The following CCDC91 variants were observed in gnomAD, a reference collection of about 807,000 sequenced individuals.
CCDC91 encodes coiled-coil domain containing 91.
CCDC91 carries 48 observed loss-of-function variants against 63.2 expected under a neutral mutation model. That is an observed-to-expected ratio of 0.76 (90% CI 0.60 to 0.97). The LOEUF (loss-of-function observed/expected upper bound fraction) is 0.97. Ranked by LOEUF, CCDC91 falls within the 50% of genes least tolerant of loss-of-function variation. The probability of loss-of-function intolerance (pLI) is 0.00; values close to 1 mark genes in which losing one functional copy is unlikely to be tolerated. For missense variants in CCDC91, 500 were observed against 494.6 expected (o/e 1.01, Z -0.10); for synonymous variants, 167 against 165.8 (o/e 1.01, Z -0.06).
chr12:28,361,656 A>G (rs527271224), intron 6 of CCDC91, among the ~76,000 whole-genome samples: 8 of 151,804 alleles, frequency 5.3e-5, no homozygotes, highest in Non-Finnish European at 7.4e-5. Context: ...TGAGTTATTA[A>G]TAGTACATAT....
chr12:28,267,247 A>T (rs1443972521), intron 3 of CCDC91, among the ~76,000 whole-genome samples: 7 of 151,842 alleles, frequency 4.6e-5, no homozygotes, highest in Middle Eastern at 3.4e-3. Context: ...CTATTTTTTT[A>T]AATAGAGATG....
At chr12:28,391,040 T>C (rs1224939802) in intron 7 of CCDC91, among the ~76,000 whole-genome samples, 4 of 151,704 alleles carry the variant, frequency 2.6e-5, no homozygotes, top group Non-Finnish European at 2.9e-5. Flanking sequence ...CTCTATCATC[T>C]TCTGTGACTT....
At chr12:28,338,430 T>C (rs1003449202) in intron 6 of CCDC91, among the ~76,000 whole-genome samples, 23 of 151,604 alleles carry the variant, frequency 1.5e-4, no homozygotes, top group African/African-American at 4.1e-4. Context: ...GAATCTTGAG[T>C]GTGTGTGTGG....
chr12:28,199,038 C>T (rs1418097600), intron 1 of CCDC91: 1 of 151,906 alleles, frequency 6.6e-6, no homozygotes, highest in Non-Finnish European at 1.5e-5. Context: ...CTGAGCCTCC[C>T]TAGTAGCTAG....
chr12:28,317,887 A>G (rs1325438124), intron 6 of CCDC91, among the ~76,000 whole-genome samples: 1 of 151,888 alleles, frequency 6.6e-6, no homozygotes, highest in Admixed American at 6.6e-5. Flanking sequence ...TGATGTTCCT[A>G]ATAAGCACCT....
intron 1 of CCDC91, among the ~76,000 whole-genome samples, chr12:28,224,426 TA>T (rs568831813): frequency 3.2e-4 from 49 of 152,306 alleles, no homozygotes; most frequent in Admixed American, 1.3e-3. Flanking sequence ...TATACTGGTA[TA>T]GGGGGGAGTA....
At chr12:28,401,645 C>T (rs956362115) in intron 8 of CCDC91, among the ~76,000 whole-genome samples, 3 of 152,074 alleles carry the variant, frequency 2.0e-5, no homozygotes, top group Non-Finnish European at 4.4e-5. Context: ...GGGGAAATTG[C>T]CCCCATGATT....
chr12:28,206,117 C>A (rs1942830336), intron 1 of CCDC91, among the ~76,000 whole-genome samples: 1 of 152,280 alleles, frequency 6.6e-6, no homozygotes, highest in East Asian at 1.9e-4. Context: ...TCCTTAAAGT[C>A]TTAGTTTGAT....
chr12:28,293,300 T>G (rs1422325396), intron 3 of CCDC91, among the ~76,000 whole-genome samples: 3 of 152,196 alleles, frequency 2.0e-5, no homozygotes, highest in African/African-American at 7.2e-5. Flanking sequence ...AAGCTTTATA[T>G]TGAAGGTTCA....
intron 8 of CCDC91, among the ~76,000 whole-genome samples, chr12:28,421,812 C>T (rs1948031867): frequency 1.3e-5 from 2 of 152,054 alleles, no homozygotes; most frequent in Admixed American, 1.3e-4. Context: ...TAAAATCAGC[C>T]AATCTCCCCC....
chr12:28,496,471 C>T (rs557909071), intron 12 of CCDC91, among the ~76,000 whole-genome samples: 2 of 151,658 alleles, frequency 1.3e-5, no homozygotes, highest in South Asian at 4.1e-4. Flanking sequence ...AATCATACCT[C>T]ATAAGGCTGG....
intron 1 of CCDC91, chr12:28,256,804 G>A (rs1252590347): frequency 6.4e-6 from 1 of 156,314 alleles, no homozygotes; most frequent in African/African-American, 2.4e-5. Flanking sequence ...TTTGTGGTAG[G>A]GGACAGATTT....
At chr12:28,466,064 G>A (rs1269866243) in intron 11 of CCDC91, among the ~76,000 whole-genome samples, 1 of 142,014 alleles carries the variant, frequency 7.0e-6, no homozygotes, top group Non-Finnish European at 1.6e-5. Context: ...TAGCAGAACT[G>A]ACAAAGAAAA....
intron 6 of CCDC91, among the ~76,000 whole-genome samples, chr12:28,340,055 C>T (rs1942303029): frequency 6.6e-6 from 1 of 152,112 alleles, no homozygotes; most frequent in African/African-American, 2.4e-5. Context: ...GACCCCTTTA[C>T]ACTCTCAGTC....
chr12:28,484,323 A>G (rs1308995277), intron 12 of CCDC91, 158 bp downstream of exon 12: 5 of 416,792 alleles, frequency 1.2e-5, no homozygotes, highest in South Asian at 3.6e-5. Context: ...ATGTATTCTG[A>G]TAGTTATGTC....
At chr12:28,202,213 A>G (rs964674887) in intron 1 of CCDC91, among the ~76,000 whole-genome samples, 7 of 152,216 alleles carry the variant, frequency 4.6e-5, no homozygotes, top group Non-Finnish European at 7.3e-5. Context: ...CTAAGAAAAT[A>G]TTTAGAGAAA....
intron 1 of CCDC91, among the ~76,000 whole-genome samples, chr12:28,243,847 G>A (rs3847684): frequency 0.91 from 138,788 of 152,226 alleles, 64,510 homozygotes; most frequent in East Asian, 1. Context: ...AAATTTTGAG[G>A]AATAGATTAT....
chr12:28,344,995 G>A (rs1192335632), intron 6 of CCDC91, among the ~76,000 whole-genome samples: 1 of 152,048 alleles, frequency 6.6e-6, no homozygotes, highest in Non-Finnish European at 1.5e-5. Context: ...ATTTCATTGA[G>A]TTAGGTTTCT....
At chr12:28,546,823 T>C (rs1195357346) in intron 12 of CCDC91, among the ~76,000 whole-genome samples, 5 of 151,948 alleles carry the variant, frequency 3.3e-5, no homozygotes, top group Admixed American at 3.3e-4. Context: ...TGGGAAGAAA[T>C]TTGGCAATAT....
Sources: allele counts gnomAD v4.1 joint callset (sites outside exome capture counted in the v4.1 genomes callset), GRCh38; gene constraint gnomAD v4.1.1; transcripts MANE v1.5; gene names NCBI Gene and HGNC (gene_info 2026-07-23, HGNC 2026-07-21).